The following DLG2 variants were observed in gnomAD, a reference collection of about 807,000 sequenced individuals.
DLG2 encodes disks large homolog 2.
A neutral mutation model predicts 132.5 loss-of-function variants in DLG2; 45 were observed. That is an observed-to-expected ratio of 0.34 (90% CI 0.27 to 0.44). The LOEUF (loss-of-function observed/expected upper bound fraction) is 0.44. Among genes scored for constraint, DLG2 ranks in the 20% least tolerant of loss-of-function variants. DLG2 has a pLI of 1.00. For synonymous variants in DLG2, 424 were observed against 419.6 expected, an observed-to-expected ratio of 1.01 and a Z score of -0.13; for missense variants, 1,045 against 1,196.9, an observed-to-expected ratio of 0.87 and a Z score of 1.87.
rs567133772 is a variant in DLG2, at chr11:83,696,104, G to T, written c.1826-62779C>A. On this transcript the variant is annotated intron_variant, in intron 18 of 27. Coordinates refer to ENST00000376104, the MANE Select transcript of DLG2 (RefSeq NM_001142699.3). Reference sequence around the variant, plus strand: ...CTTTAGAAAATCACCTTGGCAACCAGGTGGAGGATGGACTGGAGGTGTTGA... The same window carrying T: ...CTTTAGAAAATCACCTTGGCAACCATGTGGAGGATGGACTGGAGGTGTTGA... Among the ~76,000 whole-genome samples, 137 of 152,330 alleles carry T rather than the reference G, an allele frequency of 9.0e-4. 1 individual carries two copies. Among genetic ancestry groups the T allele is most frequent in the South Asian group, 8.9e-3 (43 of 4,826 alleles).
At chr11:84,157,674 A>C (rs1408475651) in intron 9 of DLG2, among the ~76,000 whole-genome samples, 1 of 152,204 alleles carries the variant, frequency 6.6e-6, no homozygotes, top group African/African-American at 2.4e-5. Flanking sequence ...AAATTACTTC[A>C]TGCGGACCAC....
At chr11:84,278,799 A>G (rs1015640657) in intron 7 of DLG2, among the ~76,000 whole-genome samples, 1 of 81,018 alleles carries the variant, frequency 1.2e-5, no homozygotes, top group African/African-American at 3.8e-5. Context: ...AATAGTAAAC[A>G]TTATTTTATT....
chr11:84,400,289 C>T (rs1404952560), intron 7 of DLG2, among the ~76,000 whole-genome samples: 2 of 152,178 alleles, frequency 1.3e-5, no homozygotes, highest in Admixed American at 6.5e-5. Context: ...CCAAAGTAGG[C>T]ATATTTCATA....
chr11:84,153,641 T>C (rs10792725), intron 9 of DLG2, among the ~76,000 whole-genome samples: 113,971 of 152,082 alleles, frequency 0.75, 43,936 homozygotes, highest in Middle Eastern at 0.88. Flanking sequence ...ACATTGCTAA[T>C]GCTTGCAACT....
chr11:84,098,391 A>G (rs1389403995), intron 10 of DLG2, among the ~76,000 whole-genome samples: 2 of 152,064 alleles, frequency 1.3e-5, no homozygotes, highest in South Asian at 4.2e-4. Flanking sequence ...TCTGAGGGAC[A>G]ACTTGTTCTT....
At chr11:84,003,906 A>G (rs139111036) in intron 11 of DLG2, among the ~76,000 whole-genome samples, 3 of 152,242 alleles carry the variant, frequency 2.0e-5, no homozygotes, top group Non-Finnish European at 4.4e-5. Context: ...GATACGGAAA[A>G]CCTGAACAGA....
chr11:85,470,387 T>TGAGAAGGAGAAGA (rs1343805024), intron 3 of DLG2, among the ~76,000 whole-genome samples: 2 of 151,964 alleles, frequency 1.3e-5, no homozygotes, highest in African/African-American at 4.8e-5. Flanking sequence ...GGGGTAGGGG[T>TGAGAAGGAGAAGA]GAGAAGGAGA....
chr11:85,025,865 CTACTT>C (rs2060470879), intron 6 of DLG2, among the ~76,000 whole-genome samples: 1 of 151,730 alleles, frequency 6.6e-6, no homozygotes, highest in African/African-American at 2.4e-5. Context: ...ACATAACATT[CTACTT>C]TAGAGTGCAA....
At chr11:84,197,036 C>CAAAAAAAAA (rs60877284) in intron 8 of DLG2, among the ~76,000 whole-genome samples, 91 of 87,858 alleles carry the variant, frequency 1.0e-3, no homozygotes, top group South Asian at 1.4e-3. Flanking sequence ...GACTCTTTCT[C>CAAAAAAAAA]AAAAAAAAAA....
intron 4 of DLG2, among the ~76,000 whole-genome samples, chr11:85,157,067 T>C (rs935329393): frequency 6.6e-5 from 10 of 152,168 alleles, no homozygotes; most frequent in African/African-American, 2.4e-4. Context: ...GCAGCTAGGA[T>C]ATAAAGCAGG....
intron 6 of DLG2, among the ~76,000 whole-genome samples, chr11:84,994,819 T>C (rs1053537535): frequency 6.6e-6 from 1 of 152,188 alleles, no homozygotes; most frequent in African/African-American, 2.4e-5. Context: ...ACAACCAGCC[T>C]TGTGTTTCCT....
chr11:84,771,294 T>A (rs1389599246), intron 6 of DLG2, among the ~76,000 whole-genome samples: 1 of 152,196 alleles, frequency 6.6e-6, no homozygotes, highest in African/African-American at 2.4e-5. Flanking sequence ...ATTTGTTGAC[T>A]TTTTAATAAT....
At chr11:85,604,924 G>A (rs1360777489) in intron 2 of DLG2, among the ~76,000 whole-genome samples, 2 of 151,968 alleles carry the variant, frequency 1.3e-5, no homozygotes, top group Non-Finnish European at 2.9e-5. Flanking sequence ...AACTTTTAGA[G>A]AAAAGAAAAT....
At chr11:84,681,075 A>T (rs533386757) in intron 6 of DLG2, among the ~76,000 whole-genome samples, 144 of 152,330 alleles carry the variant, frequency 9.5e-4, no homozygotes, top group African/African-American at 3.4e-3. Context: ...AAATTATATG[A>T]CTTCATTGAA....
chr11:84,097,176 C>A (rs753181121), intron 10 of DLG2, among the ~76,000 whole-genome samples: 8 of 152,118 alleles, frequency 5.3e-5, no homozygotes, highest in Non-Finnish European at 2.9e-5. Flanking sequence ...AATAAGACTC[C>A]GTCCTTGATT....
At chr11:84,859,974 C>T (rs1293384330) in intron 6 of DLG2, among the ~76,000 whole-genome samples, 1 of 152,132 alleles carries the variant, frequency 6.6e-6, no homozygotes, top group Non-Finnish European at 1.5e-5. Flanking sequence ...TCCTTGTACA[C>T]TGTCCCTCAC....
At chr11:83,467,798 TATATATATATATAC>T (rs1565339310) in intron 25 of DLG2, among the ~76,000 whole-genome samples, 26 of 105,132 alleles carry the variant, frequency 2.5e-4, no homozygotes, top group African/African-American at 9.6e-4. Flanking sequence ...TATATATATA[TATATATATATATAC>T]ACACACACAT....
intron 3 of DLG2, among the ~76,000 whole-genome samples, chr11:85,484,794 C>T (rs998449562): frequency 2.7e-5 from 4 of 148,790 alleles, no homozygotes; most frequent in South Asian, 2.1e-4. Context: ...GTCAGTGTGG[C>T]GATTCCTCAG....
In DLG2 at chr11:83,620,707, A is replaced by G. The variant is rs1386432027; in HGVS notation, c.1940+12504T>C. Among the ~76,000 whole-genome samples the G allele has an allele frequency of 5.3e-5, 8 of 151,234 alleles. No homozygotes were observed. In the East Asian group the frequency reaches 9.7e-4, roughly 18 times the overall value. On this transcript the variant is annotated intron_variant, in intron 19 of 27. Transcript: ENST00000376104. ...AAAACGGTGAAACCCCGTCTCTACTAAAAATACAAAAAATTAGCCGGGCGT... is the reference window on the plus strand; with the variant it reads ...AAAACGGTGAAACCCCGTCTCTACTGAAAATACAAAAAATTAGCCGGGCGT...
Sources: allele counts gnomAD v4.1 joint callset (sites outside exome capture counted in the v4.1 genomes callset), GRCh38; gene constraint gnomAD v4.1.1; transcripts MANE v1.5; gene names NCBI Gene and HGNC (gene_info 2026-07-23, HGNC 2026-07-21).